Variants in INPP4B observed in about 807,000 individuals in gnomAD.
INPP4B encodes inositol polyphosphate 4-phosphatase type II.
In INPP4B, 55 loss-of-function variants were observed where a neutral mutation model predicts 122.5. The observed-to-expected ratio is 0.45, with a 90% CI of 0.36 to 0.56. The LOEUF (loss-of-function observed/expected upper bound fraction) is 0.56. Ranked by LOEUF, INPP4B falls within the 20% of genes least tolerant of loss-of-function variation. The probability of loss-of-function intolerance (pLI) is 0.00; values close to 1 mark genes in which losing one functional copy is unlikely to be tolerated. For missense variants in INPP4B, 1,000 were observed against 1,097.7 expected, an observed-to-expected ratio of 0.91 and a Z score of 1.26; for synonymous variants, 403 against 388.7, an observed-to-expected ratio of 1.04 and a Z score of -0.43.
rs1682771388 is a variant in INPP4B at position 142,025,546 on chromosome 4, T to A, written c.*3236A>T. On this transcript the variant is annotated 3_prime_UTR_variant, in exon 26 of 26. Coordinates refer to ENST00000262992, the MANE Select transcript of INPP4B (RefSeq NM_001101669.3). ...CCACCAGTGGTATTGTGTCTCTTGG[T>A]ACACTATCAACTTTTACATAGGGAG... 6.6e-6 allele frequency: 1 copy of A among 152,196 alleles called. No individual in the cohort carries two copies. Among genetic ancestry groups the A allele is most frequent in the African/African-American group, 2.4e-5 (1 of 41,450 alleles). 9.4% of individuals were successfully genotyped at this position (152,196 alleles called of 1,614,324 possible).
At chr4:142,358,650 T>TTA (rs71586284) in intron 7 of INPP4B, among the ~76,000 whole-genome samples, 2,405 of 117,640 alleles carry the variant, frequency 0.02, 69 homozygotes, top group African/African-American at 0.075. Flanking sequence ...CAGTGATTTA[T>TTA]AAAAAAAAAA....
chr4:142,140,746 T>G (rs1807340614), intron 18 of INPP4B, among the ~76,000 whole-genome samples: 1 of 152,172 alleles, frequency 6.6e-6, no homozygotes. Flanking sequence ...TAATGTCTAG[T>G]ATATAGTGGT....
intron 2 of INPP4B, among the ~76,000 whole-genome samples, chr4:142,498,870 T>C (rs1823001338): frequency 1.3e-5 from 2 of 152,120 alleles, no homozygotes. Context: ...AAAAAGGAAT[T>C]AATTTGAAAT....
chr4:142,064,157 G>C (rs1223559760), intron 25 of INPP4B, among the ~76,000 whole-genome samples: 1 of 152,154 alleles, frequency 6.6e-6, no homozygotes, highest in Non-Finnish European at 1.5e-5. Context: ...TTGTTGTACA[G>C]CAAAGTTATA....
At chr4:142,644,986 A>G (rs1476550655) in intron 2 of INPP4B, among the ~76,000 whole-genome samples, 1 of 151,946 alleles carries the variant, frequency 6.6e-6, no homozygotes, top group Non-Finnish European at 1.5e-5. Context: ...ATGGAGAAAG[A>G]AAAAGTACAT....
intron 7 of INPP4B, among the ~76,000 whole-genome samples, chr4:142,374,828 C>A (rs1354817872): frequency 6.6e-6 from 1 of 151,710 alleles, no homozygotes; most frequent in Admixed American, 6.6e-5. Context: ...TATTATTTCT[C>A]ATTTGGTAAA....
rs1810453700 is a variant in INPP4B, at chr4:142,145,923, T to C, written c.1637A>G (p.Asp546Gly). The C allele has an allele frequency of 2.5e-6, 4 of 1,613,926 alleles. No individual in the cohort carries two copies. The East Asian group carries it at 8.9e-5, about 36-fold the overall frequency. ...GCCGCCACTGCCTTCACTGCCACCATCTCTTTCAATCAGTTTGTCCACCAT... is the reference window on the plus strand; with the variant it reads ...GCCGCCACTGCCTTCACTGCCACCACCTCTTTCAATCAGTTTGTCCACCAT... The part of the protein sequence containing the change: ...IAMVDKLIER[D>G]GGSEGSGGNN... The change falls in exon 18 of 26, where the codon GAT becomes GGT. Residue 546 changes from aspartate to glycine, a missense_variant. By Grantham distance (94) the Asp-to-Gly change is moderately conservative (BLOSUM62 -1). Transcript: ENST00000262992.
chr4:142,386,403 A>G (rs1795978460), intron 7 of INPP4B, among the ~76,000 whole-genome samples: 1 of 152,216 alleles, frequency 6.6e-6, no homozygotes, highest in Non-Finnish European at 1.5e-5. Flanking sequence ...TACATATATT[A>G]TTAAAGAAAA....
At chr4:142,504,709 T>C (rs952943685) in intron 2 of INPP4B, among the ~76,000 whole-genome samples, 5 of 152,150 alleles carry the variant, frequency 3.3e-5, no homozygotes, top group Admixed American at 2.6e-4. Context: ...AGAAGTATTT[T>C]CATACTATAT....
chr4:142,405,367 A>C lies in INPP4B; in HGVS notation c.137-43T>G, dbSNP rs554460025. ...GACAGAAAGAAAAGAAACTAACACC[A>C]TATCTCAGGGAAAACTTCTGCGCCG... On this transcript the variant is annotated intron_variant, in intron 5 of 25. Coordinates refer to ENST00000262992, the MANE Select transcript of INPP4B (RefSeq NM_001101669.3). The C allele has an allele frequency of 5.0e-6, 6 of 1,194,982 alleles. No homozygotes were observed. The South Asian group carries it at 7.3e-5, about 14-fold the overall frequency. The allele number at this position is 1,194,982 out of a possible 1,614,324, so 74.0% of individuals were successfully genotyped here.
At chr4:142,661,487 G>T (rs1426046252) in intron 2 of INPP4B, among the ~76,000 whole-genome samples, 1 of 152,162 alleles carries the variant, frequency 6.6e-6, no homozygotes, top group Admixed American at 6.5e-5. Context: ...ACAAGATGTG[G>T]TAGAATTTGA....
Position 142,292,860 on chromosome 4 carries a change from C to A in INPP4B, c.503+12598G>T, listed in dbSNP as rs115762019. Among the ~76,000 whole-genome samples, 846 of 152,116 alleles carry A rather than the reference C, an allele frequency of 5.6e-3. 8 individuals are homozygous for A. The highest frequency in any genetic ancestry group is 0.02 in the African/African-American group (816 of 41,512). On this transcript the variant is annotated intron_variant, in intron 9 of 25. Transcript: ENST00000262992. ...TTTGTTTTTCTTGTATAATGTTTTT[C>A]TTGTATAATGTAATATATGCCTAGT... is the stretch of plus-strand genomic sequence containing the variant.
chr4:142,159,819 G>A (rs991501431), intron 17 of INPP4B, among the ~76,000 whole-genome samples: 28 of 151,238 alleles, frequency 1.9e-4, no homozygotes, highest in African/African-American at 4.4e-4. Flanking sequence ...CTATTTTTTC[G>A]TATCATTTTA....
At chr4:142,076,795 G>A (rs1184125981) in intron 25 of INPP4B, among the ~76,000 whole-genome samples, 5 of 151,938 alleles carry the variant, frequency 3.3e-5, no homozygotes, top group Non-Finnish European at 5.9e-5. Flanking sequence ...TGCTTACAAT[G>A]CTTATACTTC....
At chr4:142,193,228 T>G in intron 14 of INPP4B, 33 bp from the exon 15 acceptor site, 5 of 1,244,262 alleles carry the variant, frequency 4.0e-6, no homozygotes, top group Non-Finnish European at 5.9e-6. Flanking sequence ...GATGAACACT[T>G]TGCAAACATT....
intron 12 of INPP4B, among the ~76,000 whole-genome samples, chr4:142,224,795 G>GA (rs1225371416): frequency 1.3e-5 from 2 of 151,274 alleles, no homozygotes; most frequent in African/African-American, 4.9e-5. Context: ...GTTTATCACT[G>GA]AAAAAATATT....
chr4:142,639,400 G>T (rs778492387), intron 2 of INPP4B, among the ~76,000 whole-genome samples: 1 of 152,068 alleles, frequency 6.6e-6, no homozygotes, highest in African/African-American at 2.4e-5. Context: ...TTAATGGGTT[G>T]TTAATTATTG....
intron 1 of INPP4B, among the ~76,000 whole-genome samples, chr4:142,799,222 A>G (rs997062471): frequency 3.3e-5 from 5 of 151,880 alleles, no homozygotes; most frequent in Non-Finnish European, 7.4e-5. Flanking sequence ...TTTTCCCCAT[A>G]TATATTTCAG....
At chr4:142,479,825 A>G (rs1053314569) in intron 2 of INPP4B, among the ~76,000 whole-genome samples, 26 of 151,968 alleles carry the variant, frequency 1.7e-4, no homozygotes, top group Non-Finnish European at 3.5e-4. Flanking sequence ...GGGTGGGAGG[A>G]GGGAGAGGAT....
Sources: gnomAD v4.1 joint callset for allele counts (sites outside exome capture counted in the v4.1 genomes callset) on GRCh38, gnomAD v4.1.1 for gene constraint, MANE v1.5 for transcripts, NCBI Gene and HGNC (gene_info 2026-07-23, HGNC 2026-07-21) for gene names.